The following ZNF568 variants were observed in gnomAD, a reference collection of about 807,000 sequenced individuals.
ZNF568 encodes p53 inhibitor of SCO2 activation.
In ZNF568, 11 loss-of-function variants were observed where a neutral mutation model predicts 18.1. That is an observed-to-expected ratio of 0.61 (90% CI 0.38 to 1.00). The LOEUF (loss-of-function observed/expected upper bound fraction) is 1.00, where lower values mean the gene tolerates loss of function less well. Ranked by LOEUF, ZNF568 falls within the 50% of genes least tolerant of loss-of-function variation. ZNF568 has a pLI of 0.01. For synonymous variants in ZNF568, 213 were observed against 246.6 expected (o/e 0.86, Z 1.28); for missense variants, 639 against 768.2 (o/e 0.83, Z 1.99).
chr19:36,945,204 G>T (rs2073942379), intron 6 of ZNF568, among the ~76,000 whole-genome samples: 1 of 137,552 alleles, frequency 7.3e-6, no homozygotes, highest in African/African-American at 2.8e-5. Context: ...GAGAGACAGA[G>T]AGAGAAGTGT....
At chr19:36,955,908 G>A (rs1343379299), downstream of ZNF568, among the ~76,000 whole-genome samples, 1 of 152,172 alleles carries the variant, frequency 6.6e-6, no homozygotes, top group Non-Finnish European at 1.5e-5. Flanking sequence ...AATGCAGCAG[G>A]CTGGGGAGAA....
chr19:36,949,984 G>A lies in ZNF568; in HGVS notation c.831G>A (p.Pro277=), dbSNP rs750605084. The A allele has an allele frequency of 7.7e-5, 125 of 1,613,510 alleles. No homozygotes were observed. The highest frequency in any genetic ancestry group is 5.5e-5 in the South Asian group (5 of 91,046). ...AGAAAATTCATACTGGGGAAAAACCGTATAAGTGTAATGAATGTGGAAAAG... is the reference window on the plus strand; with the variant it reads ...AGAAAATTCATACTGGGGAAAAACCATATAAGTGTAATGAATGTGGAAAAG... ...THQKIHTGEK[P]YKCNECGKAF... is the part of the protein sequence containing the mutation. Residue 277 remains proline, a synonymous_variant, in exon 7 of 7, where the codon CCG becomes CCA. Coordinates refer to ENST00000333987, the MANE Select transcript of ZNF568 (RefSeq NM_198539.4).
At chr19:36,917,726 G>C (rs1031898402) in intron 2 of ZNF568, 78 bp downstream of exon 2, 2 of 152,140 alleles carry the variant, frequency 1.3e-5, no homozygotes, top group Non-Finnish European at 2.9e-5. Context: ...AAACATTTTT[G>C]ATTGACATAT....
At chr19:36,925,948 C>T (rs1031453891) in intron 4 of ZNF568, among the ~76,000 whole-genome samples, 4 of 152,058 alleles carry the variant, frequency 2.6e-5, no homozygotes, top group South Asian at 2.1e-4. Flanking sequence ...TTCCTAGGGA[C>T]GACTGTAATT....
chr19:36,933,962 A>T (rs1331931622), intron 4 of ZNF568, among the ~76,000 whole-genome samples: 2 of 46,170 alleles, frequency 4.3e-5, no homozygotes, highest in Non-Finnish European at 4.3e-5. Flanking sequence ...GTCTCTTGTT[A>T]CAAGTCTTTT....
At chr19:36,948,184 A>AC (rs1417353590) in intron 6 of ZNF568, among the ~76,000 whole-genome samples, 1 of 152,072 alleles carries the variant, frequency 6.6e-6, no homozygotes, top group Admixed American at 6.6e-5. Context: ...TGATACCTTT[A>AC]CTAGTCATCA....
At position 36,927,252 on chromosome 19, in the gene ZNF568, A is replaced by G. The variant is rs193198105; in HGVS notation, c.135+1994A>G. Among the ~76,000 whole-genome samples the G allele has an allele frequency of 6.6e-5, 10 of 152,332 alleles. No homozygotes were observed. In the East Asian group the frequency reaches 1.3e-3, roughly 21 times the overall value. On this transcript the variant is annotated intron_variant, in intron 4 of 6. Transcript: ENST00000333987. ...AGTAGTCTTTTCTCATGAGTTGCCA[A>G]TGTTAATCTTTTCTAAGATATCTTT... is the stretch of plus-strand genomic sequence containing the variant.
chr19:36,921,529 A>G (rs1002142181), intron 2 of ZNF568, among the ~76,000 whole-genome samples: 19 of 151,886 alleles, frequency 1.3e-4, no homozygotes, highest in African/African-American at 4.6e-4. Context: ...TATTAGGAGG[A>G]TATCTCAAGC....
chr19:36,938,761 T>C (rs987217774), intron 6 of ZNF568, among the ~76,000 whole-genome samples: 6 of 152,180 alleles, frequency 3.9e-5, no homozygotes, highest in Non-Finnish European at 8.8e-5. Context: ...GTCTGAAGCC[T>C]GATTATTTCC....
At chr19:36,927,860 GTATA>G (rs1219440874) in intron 4 of ZNF568, among the ~76,000 whole-genome samples, 43 of 32,100 alleles carry the variant, frequency 1.3e-3, no homozygotes, top group East Asian at 3.3e-3. Context: ...GTGTGTGTGT[GTATA>G]TATATATATA....
intron 6 of ZNF568, among the ~76,000 whole-genome samples, chr19:36,966,390 C>T (rs543983271): frequency 6.6e-6 from 1 of 152,164 alleles, no homozygotes; most frequent in Non-Finnish European, 1.5e-5. Flanking sequence ...GGATTACAGG[C>T]GTGAGCCATC....
chr19:36,938,981 G>T (rs923129499), intron 6 of ZNF568, among the ~76,000 whole-genome samples: 7 of 152,136 alleles, frequency 4.6e-5, no homozygotes, highest in Admixed American at 4.6e-4. Flanking sequence ...TTCGATGAAG[G>T]TATTTCCTGC....
chr19:36,949,805 G>A lies in ZNF568; in HGVS notation c.652G>A (p.Val218Ile), dbSNP rs969330932. 3.7e-6 allele frequency: 6 copies of A among 1,613,834 alleles called. No homozygotes were observed. In the African/African-American group the frequency reaches 8.0e-5, roughly 22 times the overall value. The change falls in exon 7 of 7, where the codon GTT becomes ATT. Residue 218 changes from valine (V) to isoleucine (I), a missense_variant. Coordinates refer to ENST00000333987, the MANE Select transcript of ZNF568 (RefSeq NM_198539.4). Reference protein sequence around the residue: ...GKPFYHCASYVVTPFKCNQCG... With the variant: ...GKPFYHCASYIVTPFKCNQCG... The stretch of plus-strand genomic sequence containing the variant: ...ACCATTTTACCATTGTGCATCCTAT[G>A]TTGTAACCCCCTTTAAGTGTAATCA...
intron 2 of ZNF568, among the ~76,000 whole-genome samples, chr19:36,990,120 T>C (rs2074411110): frequency 6.6e-6 from 1 of 152,240 alleles, no homozygotes; most frequent in African/African-American, 2.4e-5. Context: ...ATGTAGATTG[T>C]ATGGAGTTAC....
chr19:36,933,947 A>G (rs989117092), intron 4 of ZNF568, among the ~76,000 whole-genome samples: 2 of 77,478 alleles, frequency 2.6e-5, no homozygotes, highest in Admixed American at 1.5e-4. Context: ...TTTTTTAGTA[A>G]TTCAGTCTCT....
In ZNF568 at chr19:36,944,291, G is replaced by A. The variant is rs1394622855; in HGVS notation, c.359-5221G>A. Among the ~76,000 whole-genome samples the A allele has an allele frequency of 4.0e-5, 6 of 151,596 alleles. No individual in the cohort carries two copies. In the East Asian group the frequency reaches 1.2e-3, roughly 29 times the overall value. ...TGCATGCCTGTAATTCCAGCTACTCGGGAGGCTGAGGCAGGAGAATTGCTT... is the reference window on the plus strand; with the variant it reads ...TGCATGCCTGTAATTCCAGCTACTCAGGAGGCTGAGGCAGGAGAATTGCTT... On this transcript the variant is annotated intron_variant, in intron 6 of 6. Transcript: ENST00000333987.
rs1324193008 is a variant in ZNF568, at chr19:36,951,867, G to A, written c.*779G>A. 1 of 865,580 alleles carries A rather than the reference G, an allele frequency of 1.2e-6. No homozygotes were observed. Among genetic ancestry groups the A allele is most frequent in the African/African-American group, 1.8e-5 (1 of 54,540 alleles). 53.6% of individuals were successfully genotyped at this position (865,580 alleles called of 1,614,324 possible). A position where few individuals can be genotyped will look rare whatever the true frequency, so the allele number is the denominator to read the frequency against. On this transcript the variant is annotated 3_prime_UTR_variant, in exon 7 of 7. Transcript: ENST00000333987. ...TAGTCTTGAACTCCTGACTTCAAAA[G>A]TGATCGCCCTCTTTGGCCTCCCAAA...
At chr19:36,989,490 G>T (rs2074405716) in intron 2 of ZNF568, among the ~76,000 whole-genome samples, 2 of 152,070 alleles carry the variant, frequency 1.3e-5, no homozygotes, top group African/African-American at 4.8e-5. Context: ...GGCCAAGGCT[G>T]CTGTCTCTTA....
In ZNF568 at chr19:36,939,532, C is replaced by CTTTTTTTTTTTT. The variant is rs386388962; in HGVS notation, c.358+2304_358+2315dup. ...GGTTCATTGAAGATGTATTTTCTTT[C>CTTTTTTTTTTTT]TTTTTTTTTTTTTTTTTTTTTTTTT... On this transcript the variant is annotated intron_variant, in intron 6 of 6. Transcript: ENST00000333987. 6.8e-4 allele frequency among the ~76,000 whole-genome samples: 63 copies of CTTTTTTTTTTTT among 93,066 alleles called. 2 individuals are homozygous for CTTTTTTTTTTTT. The highest frequency in any genetic ancestry group is 1.9e-3 in the African/African-American group (44 of 23,078). The allele number at this position is 93,066 out of a possible 152,430, so 61.1% of individuals were successfully genotyped here. A position where few individuals can be genotyped will look rare whatever the true frequency, so the allele number is the denominator to read the frequency against.
Sources: gnomAD v4.1 joint callset for allele counts (sites outside exome capture counted in the v4.1 genomes callset) on GRCh38, gnomAD v4.1.1 for gene constraint, MANE v1.5 for transcripts, NCBI Gene and HGNC (gene_info 2026-07-23, HGNC 2026-07-21) for gene names.